Variants in CFAP46 observed in about 807,000 individuals in gnomAD.
The protein encoded by CFAP46 is cilia and flagella associated protein 46.
A neutral mutation model predicts 325.7 loss-of-function variants in CFAP46; 245 were observed. The ratio of observed to expected loss-of-function variants is 0.75; its 90% CI spans 0.68 to 0.84. CFAP46 has a LOEUF of 0.84. Ranked by LOEUF, CFAP46 falls within the 40% of genes least tolerant of loss-of-function variation. The probability of loss-of-function intolerance (pLI) is 0.00; values close to 1 mark genes in which losing one functional copy is unlikely to be tolerated. For synonymous variants in CFAP46, 1,523 were observed against 1,495.9 expected, an observed-to-expected ratio of 1.02 and a Z score of -0.42; for missense variants, 3,346 against 3,543.0, an observed-to-expected ratio of 0.94 and a Z score of 1.41.
At position 132,835,050 on chromosome 10, in the gene CFAP46, G is replaced by A. The variant is rs114120921; in HGVS notation, c.6744+254C>T. On this transcript the variant is annotated intron_variant, in intron 47 of 57. Transcript: ENST00000368586. ...GGGCCCAGGTGACCCTGAGCTCTGC[G>A]GAGCAGAGTGGACCAGGCCCCTCCT... 2.2e-3 allele frequency among the ~76,000 whole-genome samples: 331 copies of A among 152,326 alleles called. 5 individuals are homozygous for A. The highest frequency in any genetic ancestry group is 7.5e-3 in the African/African-American group (313 of 41,582).
intron 19 of CFAP46, among the ~76,000 whole-genome samples, chr10:132,912,194 CCT>C (rs564622698): frequency 4.7e-5 from 6 of 128,558 alleles, no homozygotes; most frequent in African/African-American, 1.1e-4. Context: ...TGTCCTCTTT[CCT>C]CTCTCTCTCT....
chr10:132,884,378 A>T lies in CFAP46; in HGVS notation c.3627+725T>A, dbSNP rs1055400941. On this transcript the variant is annotated intron_variant, in intron 27 of 57. Transcript: ENST00000368586. This position sits in a 1 kb window ranked among gnomAD's most constrained non-coding sequence, Gnocchi z 5.4. ...GTTCCCGATGCCAAGGGCCCCCTGG[A>T]CCCCAGAACAATCCAAAGGCCTCGG... Among the ~76,000 whole-genome samples, 8 of 152,162 alleles carry T rather than the reference A, an allele frequency of 5.3e-5. No individual in the cohort carries two copies. The highest frequency in any genetic ancestry group is 1.9e-4 in the African/African-American group (8 of 41,434).
chr10:132,932,333 C>CT (rs371439716), intron 8 of CFAP46, among the ~76,000 whole-genome samples: 64 of 117,826 alleles, frequency 5.4e-4, no homozygotes, highest in Admixed American at 8.3e-4. Flanking sequence ...GAGCCTGGGC[C>CT]TCCCCACATT....
chr10:132,867,886 C>T (rs1293387546), intron 33 of CFAP46, among the ~76,000 whole-genome samples: 1 of 152,240 alleles, frequency 6.6e-6, no homozygotes, highest in African/African-American at 2.4e-5. Flanking sequence ...GCTCGGCCTT[C>T]CCACGGGGTC....
chr10:132,851,885 G>A (rs1848555170), intron 39 of CFAP46, among the ~76,000 whole-genome samples: 1 of 149,652 alleles, frequency 6.7e-6, no homozygotes. Context: ...CTCAGATCCT[G>A]ATCCACAGAC....
At chr10:132,851,665 A>G (rs1265305094) in intron 39 of CFAP46, among the ~76,000 whole-genome samples, 1 of 151,354 alleles carries the variant, frequency 6.6e-6, no homozygotes, top group Admixed American at 6.6e-5. Flanking sequence ...TCACCGTGAG[A>G]CTCCCCCACG....
chr10:132,834,883 C>G, intron 47 of CFAP46, 108 bp from the exon 48 acceptor site: 5 of 1,421,394 alleles, frequency 3.5e-6, no homozygotes, highest in Non-Finnish European at 4.7e-6. Context: ...CTTCTGCAAA[C>G]AGCATGGTGG....
chr10:132,882,102 GGT>G (rs1461137507), intron 27 of CFAP46, among the ~76,000 whole-genome samples: 15 of 150,906 alleles, frequency 9.9e-5, no homozygotes, highest in Non-Finnish European at 1.5e-4. Context: ...TGGGATGTGG[GGT>G]GTGTGTGGTC....
At chr10:132,865,937 A>G in intron 35 of CFAP46, 88 bp downstream of exon 35, 1 of 1,288,822 alleles carries the variant, frequency 7.8e-7, no homozygotes, top group Non-Finnish European at 1.0e-6. Flanking sequence ...TGAACGCTAC[A>G]GCCCAAGCTT....
rs563980644 is a variant in CFAP46 at position 132,878,061 on chromosome 10, T to C, written c.4032A>G (p.Ser1344=). 2.5e-4 allele frequency: 380 copies of C among 1,547,578 alleles called. No homozygotes were observed. The African/African-American group carries it at 4.4e-3, about 18-fold the overall frequency. The part of the protein sequence containing the change: ...WQVSLMTAGK[S]VLENRPLAAT... ...CTGCCAGGGGTCTGTTTTCCAGAACTGATTTTCCTGCTGTCATCAAAGAAA... is the reference window on the plus strand; with the variant it reads ...CTGCCAGGGGTCTGTTTTCCAGAACCGATTTTCCTGCTGTCATCAAAGAAA... Residue 1344 remains serine, a synonymous_variant, in exon 30 of 58, where the codon TCA becomes TCG. Coordinates refer to ENST00000368586, the MANE Select transcript of CFAP46 (RefSeq NM_001200049.3).
At chr10:132,864,567 A>T (rs1848781378) in intron 35 of CFAP46, among the ~76,000 whole-genome samples, 1 of 97,518 alleles carries the variant, frequency 1.0e-5, no homozygotes, top group Non-Finnish European at 2.0e-5. Flanking sequence ...TGAGACCTGC[A>T]AACATCTGTC....
chr10:132,895,778 T>C (rs1252828471), intron 24 of CFAP46, among the ~76,000 whole-genome samples: 1 of 152,226 alleles, frequency 6.6e-6, no homozygotes, highest in African/African-American at 2.4e-5. Context: ...GTGGTGGTAT[T>C]TGGCGACAGG....
rs554014214 is a variant in CFAP46, at chr10:132,902,718, C to G, written c.2925-3052G>C. On this transcript the variant is annotated intron_variant, in intron 22 of 57. Coordinates refer to ENST00000368586, the MANE Select transcript of CFAP46 (RefSeq NM_001200049.3). ...TAGTAATTTCTTACTTTATGCTGGA[C>G]GTCGTGAGGGCTCTGCTGCTGAAAG... Among the ~76,000 whole-genome samples, 12 of 152,298 alleles carry G rather than the reference C, an allele frequency of 7.9e-5. No individual in the cohort carries two copies. The South Asian group carries it at 2.3e-3, about 29-fold the overall frequency.
chr10:132,850,356 C>G lies in CFAP46; in HGVS notation c.5840G>C (p.Gly1947Ala), dbSNP rs750429904. ...QLGSLQPLSV[G>A]CVEIRARLLG... ...GAGCCGGGCGCGGATCTCCACACAG[C>G]CCACGCTCAGCGGCTGCAGGCTCCC... The change falls in exon 41 of 58, where the codon GGC (glycine) becomes GCC (alanine). Residue 1947 changes from glycine to alanine, a missense_variant. Transcript: ENST00000368586. 3.8e-6 allele frequency: 6 copies of G among 1,563,362 alleles called. No homozygotes were observed. Among genetic ancestry groups the G allele is most frequent in the East Asian group, 2.4e-5 (1 of 41,808 alleles).
chr10:132,917,919 C>T (rs1034936130), intron 16 of CFAP46, among the ~76,000 whole-genome samples: 1 of 144,316 alleles, frequency 6.9e-6, no homozygotes, highest in Admixed American at 6.9e-5. Context: ...ACCGATGAAC[C>T]CCCCTCTCCA....
chr10:132,845,988 G>A, intron 44 of CFAP46, 69 bp downstream of exon 44: 1 of 1,505,042 alleles, frequency 6.6e-7, no homozygotes, highest in Non-Finnish European at 8.9e-7. Context: ...GTGGGACTGT[G>A]CGGCTGCAGT....
At position 132,886,067 on chromosome 10, in the gene CFAP46, C is replaced by T. The variant is rs1849126614; in HGVS notation, c.3305-108G>A. 12 of 1,413,718 alleles carry T rather than the reference C, an allele frequency of 8.5e-6. No homozygotes were observed. The highest frequency in any genetic ancestry group is 8.6e-6 in the Non-Finnish European group (9 of 1,045,788). 87.6% of individuals were successfully genotyped at this position (1,413,718 alleles called of 1,614,324 possible). A position where few individuals can be genotyped will look rare whatever the true frequency, so the allele number is the denominator to read the frequency against. ...CATCACAGTGCCCCTGAGGTGGAACCGCGGCTACAGAGGTGCCCAGGCCAG... is the reference window on the plus strand; with the variant it reads ...CATCACAGTGCCCCTGAGGTGGAACTGCGGCTACAGAGGTGCCCAGGCCAG... On this transcript the variant is annotated intron_variant, in intron 25 of 57. Coordinates refer to ENST00000368586, the MANE Select transcript of CFAP46 (RefSeq NM_001200049.3). The surrounding 1 kb of genome is among the most constrained non-coding windows in gnomAD (Gnocchi z 5.8).
intron 32 of CFAP46, among the ~76,000 whole-genome samples, chr10:132,870,588 G>A (rs778249658): frequency 5.3e-5 from 8 of 152,162 alleles, no homozygotes; most frequent in Admixed American, 1.3e-4. Context: ...CGTGGTCTGC[G>A]CCGAAGATCA....
At chr10:132,852,087 C>G (rs1308368878) in intron 39 of CFAP46, among the ~76,000 whole-genome samples, 2 of 147,122 alleles carry the variant, frequency 1.4e-5, no homozygotes, top group African/African-American at 5.0e-5. Context: ...TTCTCAGATC[C>G]TGATCCACAG....
Sources: allele counts gnomAD v4.1 joint callset (sites outside exome capture counted in the v4.1 genomes callset), GRCh38; gene constraint gnomAD v4.1.1; non-coding constraint Gnocchi (gnomAD v3.1); transcripts MANE v1.5; gene names NCBI Gene and HGNC (gene_info 2026-07-23, HGNC 2026-07-21).